Variants in NFIC observed in about 807,000 individuals in gnomAD.
The protein encoded by NFIC is nuclear factor 1 C-type.
A neutral mutation model predicts 54.4 loss-of-function variants in NFIC; 12 were observed. The observed-to-expected ratio is 0.22, with a 90% CI of 0.14 to 0.36. The LOEUF (loss-of-function observed/expected upper bound fraction) is 0.36. Among genes scored for constraint, NFIC ranks in the 10% least tolerant of loss-of-function variants. The probability of loss-of-function intolerance (pLI) is 1.00; values close to 1 mark genes in which losing one functional copy is unlikely to be tolerated. For synonymous variants in NFIC, 322 were observed against 319.2 expected (o/e 1.01, Z -0.09); for missense variants, 575 against 718.2 (o/e 0.80, Z 2.28).
chr19:3,425,774 AG>A (rs2082018039), intron 3 of NFIC, among the ~76,000 whole-genome samples: 1 of 149,894 alleles, frequency 6.7e-6, no homozygotes, highest in Non-Finnish European at 1.5e-5. Context: ...TGTTTGTCTT[AG>A]AAACGGTCTC....
intron 7 of NFIC, among the ~76,000 whole-genome samples, chr19:3,450,034 G>A (rs549814270): frequency 1.2e-3 from 176 of 151,974 alleles, no homozygotes; most frequent in African/African-American, 3.9e-3. Context: ...CAACCTGGGC[G>A]ACAGAGCAAG....
chr19:3,393,088 C>A lies in NFIC; in HGVS notation c.562+10845C>A, dbSNP rs576088886. ...CCCGAGTAGCTGGGATTACAGGTGC[C>A]CGCCACCACACCCAGCTAATTTTTG... On this transcript the variant is annotated intron_variant, in intron 2 of 10. Coordinates refer to ENST00000443272, the MANE Select transcript of NFIC (RefSeq NM_001245002.2). Among the ~76,000 whole-genome samples, 153 of 152,134 alleles carry A rather than the reference C, an allele frequency of 1.0e-3. 2 individuals are homozygous for A. Among genetic ancestry groups the A allele is most frequent in the African/African-American group, 2.9e-3 (122 of 41,518 alleles).
chr19:3,440,396 G>C (rs969419093), intron 6 of NFIC, among the ~76,000 whole-genome samples: 1 of 151,414 alleles, frequency 6.6e-6, no homozygotes, highest in African/African-American at 2.4e-5. Context: ...TAAACGGAGT[G>C]GGGAGAAGGT....
intron 2 of NFIC, among the ~76,000 whole-genome samples, chr19:3,392,696 G>A (rs1029204355): frequency 6.6e-6 from 1 of 152,220 alleles, no homozygotes; most frequent in Non-Finnish European, 1.5e-5. Flanking sequence ...GCTGAGGGCA[G>A]CTAGGGACAG....
chr19:3,462,179 T>G (rs1262182136), intron 10 of NFIC, among the ~76,000 whole-genome samples: 1 of 151,910 alleles, frequency 6.6e-6, no homozygotes, highest in Non-Finnish European at 1.5e-5. Context: ...GTCAGGCGTT[T>G]GAGACCAGCC....
At chr19:3,450,284 G>T (rs867333586) in intron 7 of NFIC, among the ~76,000 whole-genome samples, 1 of 151,518 alleles carries the variant, frequency 6.6e-6, no homozygotes, top group Non-Finnish European at 1.5e-5. Context: ...GGCGGAGCTT[G>T]CAGTGAGCCA....
At chr19:3,384,540 C>T (rs1199596915) in intron 2 of NFIC, among the ~76,000 whole-genome samples, 1 of 152,160 alleles carries the variant, frequency 6.6e-6, no homozygotes, top group African/African-American at 2.4e-5. Flanking sequence ...AGGTGACTGC[C>T]ACCACGCCTG....
chr19:3,395,672 T>TTTTA (rs1157336593), intron 2 of NFIC, among the ~76,000 whole-genome samples: 7 of 151,422 alleles, frequency 4.6e-5, no homozygotes, highest in South Asian at 2.1e-4. Context: ...GATTTTTTAT[T>TTTTA]TTTATTTATT....
chr19:3,444,860 T>C (rs1364710873), intron 6 of NFIC, among the ~76,000 whole-genome samples: 1 of 152,198 alleles, frequency 6.6e-6, no homozygotes, highest in Non-Finnish European at 1.5e-5. Flanking sequence ...TGCACGCACG[T>C]GCACAGGCGT....
chr19:3,363,242 T>TGTGCGTGTGTGTGTGTGTAC (rs1491197799), upstream of NFIC, among the ~76,000 whole-genome samples: 1 of 61,190 alleles, frequency 1.6e-5, no homozygotes, highest in Non-Finnish European at 3.4e-5. Context: ...TATGTGTGTG[T>TGTGCGTGTGTGTGTGTGTAC]ATATATATAT....
chr19:3,462,074 A>G (rs1211918025), intron 10 of NFIC, among the ~76,000 whole-genome samples: 1 of 150,776 alleles, frequency 6.6e-6, no homozygotes, highest in Non-Finnish European at 1.5e-5. Flanking sequence ...AAATAATATA[A>G]TATAATAAAG....
intron 6 of NFIC, among the ~76,000 whole-genome samples, chr19:3,444,907 G>A (rs1599705305): frequency 6.6e-6 from 1 of 152,068 alleles, no homozygotes; most frequent in East Asian, 1.9e-4. Context: ...AGACCTGTAC[G>A]TGTGCGTGCA....
intron 3 of NFIC, among the ~76,000 whole-genome samples, chr19:3,430,869 T>C (rs2082108693): frequency 6.8e-6 from 1 of 147,368 alleles, no homozygotes; most frequent in Non-Finnish European, 1.5e-5. Context: ...GAGGCATAGG[T>C]TGCAGTGAGC....
chr19:3,360,161 G>A (rs2080791708), intron 1 of NFIC, among the ~76,000 whole-genome samples: 1 of 145,884 alleles, frequency 6.9e-6, no homozygotes, highest in African/African-American at 2.5e-5. Context: ...GCCCCGGCCC[G>A]GGCGAGCGCG....
upstream of NFIC, among the ~76,000 whole-genome samples, chr19:3,362,360 G>C (rs1012117044): frequency 6.6e-6 from 1 of 151,998 alleles, no homozygotes; most frequent in Non-Finnish European, 1.5e-5. Flanking sequence ...GAAGCGTCCT[G>C]TGGGGAGTTG....
upstream of NFIC, among the ~76,000 whole-genome samples, chr19:3,363,228 T>TGTGTGTGTGTGC (rs1420040180): frequency 1.6e-4 from 10 of 61,888 alleles, no homozygotes; most frequent in African/African-American, 1.8e-4. Flanking sequence ...TGTATATGTA[T>TGTGTGTGTGTGC]GTGTATGTGT....
intron 1 of NFIC, among the ~76,000 whole-genome samples, chr19:3,371,773 T>G (rs1311200805): frequency 1.3e-5 from 2 of 152,038 alleles, no homozygotes; most frequent in Non-Finnish European, 2.9e-5. Context: ...TAAGCCCAGC[T>G]TTGGGCTGGG....
In NFIC at chr19:3,380,501, G is replaced by A. The variant is rs568153554; in HGVS notation, c.31-1211G>A. ...CCAATATGCCTGGCTACATTTTTTTGTATTTTTAGTAGGGACGGGGTTTTG... is the reference window on the plus strand; with the variant it reads ...CCAATATGCCTGGCTACATTTTTTTATATTTTTAGTAGGGACGGGGTTTTG... On this transcript the variant is annotated intron_variant, in intron 1 of 10. Transcript: ENST00000443272. 6.0e-5 allele frequency among the ~76,000 whole-genome samples: 9 copies of A among 150,104 alleles called. No individual in the cohort carries two copies. In the South Asian group the frequency reaches 1.7e-3, roughly 28 times the overall value.
At chr19:3,384,397 T>C (rs952137425) in intron 2 of NFIC, among the ~76,000 whole-genome samples, 1 of 151,626 alleles carries the variant, frequency 6.6e-6, no homozygotes, top group Non-Finnish European at 1.5e-5. Context: ...TTTTTTTCTT[T>C]CTTTTTTTGG....
Sources: gnomAD v4.1 joint callset for allele counts (sites outside exome capture counted in the v4.1 genomes callset) on GRCh38, gnomAD v4.1.1 for gene constraint, MANE v1.5 for transcripts, NCBI Gene and HGNC (gene_info 2026-07-23, HGNC 2026-07-21) for gene names.